ADGRL4: variants seen among roughly 807,000 people sequenced by gnomAD.
ADGRL4 encodes adhesion G protein-coupled receptor L4, also known as EGF, latrophilin and seven transmembrane domain containing 1.
A neutral mutation model predicts 74.8 loss-of-function variants in ADGRL4; 90 were observed. The ratio of observed to expected loss-of-function variants is 1.20; its 90% CI spans 1.02 to 1.43. ADGRL4 has a LOEUF of 1.43. ADGRL4 is among the 40% of genes most tolerant of loss of function. The probability of loss-of-function intolerance (pLI) is 0.00; values close to 1 mark genes in which losing one functional copy is unlikely to be tolerated. For missense variants in ADGRL4, 881 were observed against 814.3 expected, an observed-to-expected ratio of 1.08 and a Z score of -1.00; for synonymous variants, 311 against 279.2, an observed-to-expected ratio of 1.11 and a Z score of -1.14.
Position 78,920,321 on chromosome 1 carries a change from A to G in ADGRL4, c.1323T>C (p.Cys441=), listed in dbSNP as rs748277388. Residue 441 remains cysteine (C), a synonymous_variant, in exon 10 of 15, where the codon TGT becomes TGC. Transcript: ENST00000370742. The stretch of plus-strand genomic sequence containing the variant: ...AGAAGGTAAAAATGCATATGGCAAG[A>G]CAAATCAGTGAAATAATTATTCCTA... ...TQLGIIISLI[C]LAICIFTFWF... 2 of 1,610,046 alleles carry G rather than the reference A, an allele frequency of 1.2e-6. No homozygotes were observed. The highest frequency in any genetic ancestry group is 8.5e-7 in the Non-Finnish European group (1 of 1,177,010).
intron 12 of ADGRL4, among the ~76,000 whole-genome samples, chr1:78,909,453 T>C (rs551361631): frequency 6.6e-6 from 1 of 151,952 alleles, no homozygotes; most frequent in African/African-American, 2.4e-5. Flanking sequence ...GTGGCAGTGG[T>C]GCTACTGGCA....
intron 2 of ADGRL4, among the ~76,000 whole-genome samples, chr1:78,960,042 A>C (rs993657486): frequency 2.0e-5 from 3 of 152,176 alleles, no homozygotes; most frequent in African/African-American, 4.8e-5. Context: ...ACAATAGATA[A>C]TATCTGCAGT....
chr1:78,906,382 A>G (rs1648635703), intron 12 of ADGRL4, among the ~76,000 whole-genome samples: 1 of 151,992 alleles, frequency 6.6e-6, no homozygotes, highest in Non-Finnish European at 1.5e-5. Flanking sequence ...GGAATAATTT[A>G]CTAGTCTCAA....
intron 8 of ADGRL4, 25 bp from the exon 9 acceptor site, chr1:78,921,811 GAAA>G: frequency 9.1e-6 from 12 of 1,323,376 alleles, no homozygotes; most frequent in Non-Finnish European, 1.2e-5. Flanking sequence ...CTTTACTGAT[GAAA>G]AAAGAGAAAA....
intron 3 of ADGRL4, 52 bp downstream of exon 3, chr1:78,946,222 T>C: frequency 6.7e-7 from 1 of 1,489,084 alleles, no homozygotes; most frequent in Non-Finnish European, 9.0e-7. Context: ...CCTCTGGAGG[T>C]AACAAACAAT....
intron 9 of ADGRL4, among the ~76,000 whole-genome samples, 181 bp downstream of exon 9, chr1:78,921,432 T>C (rs1039291997): frequency 6.7e-6 from 1 of 148,306 alleles, no homozygotes; most frequent in Non-Finnish European, 1.5e-5. Flanking sequence ...ACTAGATATG[T>C]TTCAGAAGGT....
At chr1:79,000,615 G>T (rs988013939) in intron 2 of ADGRL4, among the ~76,000 whole-genome samples, 2 of 152,078 alleles carry the variant, frequency 1.3e-5, no homozygotes, top group Non-Finnish European at 2.9e-5. Flanking sequence ...CCTAATTATT[G>T]TGGTAGCTAT....
chr1:78,920,440 AG>A lies in ADGRL4; in HGVS notation c.1258-55del, dbSNP rs1251247217. On this transcript the variant is annotated intron_variant, in intron 9 of 14. Coordinates refer to ENST00000370742, the MANE Select transcript of ADGRL4 (RefSeq NM_022159.4). ...AAAGAATAACTCACTAAGTTGTCAA[AG>A]GAACTACAACATATAATGAACTTCC... is the stretch of plus-strand genomic sequence containing the variant. The A allele has an allele frequency of 6.4e-6, 7 of 1,096,746 alleles. No homozygotes were observed. In the African/African-American group the frequency reaches 1.1e-4, roughly 17 times the overall value. 67.9% of individuals were successfully genotyped at this position (1,096,746 alleles called of 1,614,324 possible).
chr1:78,902,128 T>C (rs1307451669), intron 12 of ADGRL4, among the ~76,000 whole-genome samples: 3 of 152,142 alleles, frequency 2.0e-5, no homozygotes, highest in Non-Finnish European at 4.4e-5. Context: ...AAAACAGCAA[T>C]GTTCTTCTAC....
At chr1:79,001,153 CAGAA>C (rs1408881726) in intron 2 of ADGRL4, among the ~76,000 whole-genome samples, 3 of 92,468 alleles carry the variant, frequency 3.2e-5, no homozygotes, top group Non-Finnish European at 3.9e-5. Context: ...GGAAGGAAGA[CAGAA>C]GGAAGGAAGG....
intron 2 of ADGRL4, among the ~76,000 whole-genome samples, chr1:78,975,092 C>A (rs2100720884): frequency 6.6e-6 from 1 of 152,178 alleles, no homozygotes; most frequent in East Asian, 1.9e-4. Context: ...ACTCCTATTA[C>A]AATCATAGAG....
intron 2 of ADGRL4, among the ~76,000 whole-genome samples, chr1:78,977,061 C>T (rs933220419): frequency 6.6e-5 from 10 of 151,562 alleles, no homozygotes; most frequent in African/African-American, 2.4e-4. Context: ...ATACAAAGCA[C>T]CATGACTAAG....
At chr1:78,907,959 C>T (rs1648681148) in intron 12 of ADGRL4, among the ~76,000 whole-genome samples, 1 of 151,956 alleles carries the variant, frequency 6.6e-6, no homozygotes, top group African/African-American at 2.4e-5. Flanking sequence ...ATCTTAAATA[C>T]TTATTCCTTG....
intron 2 of ADGRL4, among the ~76,000 whole-genome samples, chr1:78,952,239 C>T (rs530467188): frequency 2.7e-5 from 4 of 150,892 alleles, no homozygotes; most frequent in East Asian, 3.9e-4. Flanking sequence ...AGTGTTGCTC[C>T]GTAAACTTGA....
intron 12 of ADGRL4, among the ~76,000 whole-genome samples, chr1:78,906,842 A>T (rs1226881598): frequency 6.6e-6 from 1 of 152,012 alleles, no homozygotes; most frequent in Non-Finnish European, 1.5e-5. Flanking sequence ...AATTATTGCC[A>T]ATTTAATTTT....
At chr1:78,973,464 G>A (rs1650210882) in intron 2 of ADGRL4, among the ~76,000 whole-genome samples, 1 of 151,004 alleles carries the variant, frequency 6.6e-6, no homozygotes, top group Admixed American at 6.6e-5. Context: ...TTCAAATAAG[G>A]AATACTTTAT....
At chr1:78,954,132 G>C (rs1197304834) in intron 2 of ADGRL4, among the ~76,000 whole-genome samples, 1 of 151,842 alleles carries the variant, frequency 6.6e-6, no homozygotes, top group Non-Finnish European at 1.5e-5. Flanking sequence ...GGCAACAAGA[G>C]CAAAACTCCA....
intron 3 of ADGRL4, among the ~76,000 whole-genome samples, chr1:78,943,219 A>G (rs1361601936): frequency 6.6e-6 from 1 of 152,222 alleles, no homozygotes; most frequent in African/African-American, 2.4e-5. Context: ...AGGCAGTAGG[A>G]CATTACAAGC....
At chr1:78,947,065 T>G (rs1250505647) in intron 2 of ADGRL4, among the ~76,000 whole-genome samples, 1 of 152,162 alleles carries the variant, frequency 6.6e-6, no homozygotes, top group African/African-American at 2.4e-5. Context: ...TTTTTAAACA[T>G]CAGAGAGCAG....
Sources: allele counts gnomAD v4.1 joint callset (sites outside exome capture counted in the v4.1 genomes callset), GRCh38; gene constraint gnomAD v4.1.1; transcripts MANE v1.5; gene names NCBI Gene and HGNC (gene_info 2026-07-23, HGNC 2026-07-21).